SAG: variants seen among roughly 807,000 people sequenced by gnomAD.
SAG encodes S-arrestin.
A neutral mutation model predicts 55.0 loss-of-function variants in SAG; 45 were observed. The observed-to-expected ratio is 0.82, with a 90% CI of 0.64 to 1.05. SAG has a LOEUF of 1.05. Ranked by LOEUF, SAG falls within the 50% of genes least tolerant of loss-of-function variation. The pLI is 0.00. For synonymous variants in SAG, 189 were observed against 197.4 expected (o/e 0.96, Z 0.36); for missense variants, 455 against 512.1 (o/e 0.89, Z 1.08).
At chr2:233,346,448 C>T (rs774275962) in intron 15 of SAG, 36 bp downstream of exon 15, 3 of 1,610,834 alleles carry the variant, frequency 1.9e-6, no homozygotes, top group South Asian at 2.2e-5. Context: ...CTGATTTGTC[C>T]TATGCTCTGG....
At chr2:233,323,369 C>CTT (rs879869333) in intron 6 of SAG, among the ~76,000 whole-genome samples, 3 of 138,984 alleles carry the variant, frequency 2.2e-5, no homozygotes, top group African/African-American at 7.9e-5. Context: ...CTTCAATAGA[C>CTT]TTTTTTTTTT....
intron 11 of SAG, 71 bp from the exon 12 acceptor site, chr2:233,338,605 G>T: frequency 1.5e-6 from 2 of 1,360,796 alleles, no homozygotes; most frequent in Non-Finnish European, 2.1e-6. Context: ...GCCTCGAATG[G>T]AAAGGCTGCC....
intron 2 of SAG, among the ~76,000 whole-genome samples, chr2:233,313,333 G>T (rs1460062371): frequency 6.6e-6 from 1 of 152,188 alleles, no homozygotes; most frequent in Non-Finnish European, 1.5e-5. Context: ...GAGCCGCTGT[G>T]GCCAGAGCCC....
At position 233,346,952 on chromosome 2, in the gene SAG, C is replaced by T; in HGVS notation, c.*40C>T. 1 of 1,184,214 alleles carries T rather than the reference C, an allele frequency of 8.4e-7. No homozygotes were observed. Among genetic ancestry groups the T allele is most frequent in the Non-Finnish European group, 1.2e-6 (1 of 801,152 alleles). 73.4% of individuals were successfully genotyped at this position (1,184,214 alleles called of 1,614,324 possible). A position where few individuals can be genotyped will look rare whatever the true frequency, so the allele number is the denominator to read the frequency against. Reference sequence around the variant, plus strand: ...GATGCCGGAAAATGACCTGTAGTTACCAGTGCAACGAGCAAAGCCCCACAG... The same window carrying T: ...GATGCCGGAAAATGACCTGTAGTTATCAGTGCAACGAGCAAAGCCCCACAG... On this transcript the variant is annotated 3_prime_UTR_variant, in exon 16 of 16. Transcript: ENST00000409110.
chr2:233,329,218 C>T, intron 8 of SAG: 2 of 415,194 alleles, frequency 4.8e-6, no homozygotes, highest in South Asian at 2.3e-5. Context: ...CAGTGGTTTC[C>T]TTTCACTTCA....
In SAG at chr2:233,340,627, A is replaced by T; in HGVS notation, c.1046+149A>T. On this transcript the variant is annotated intron_variant, in intron 13 of 15. Coordinates refer to ENST00000409110, the MANE Select transcript of SAG (RefSeq NM_000541.5). The surrounding 1 kb of genome is among the most constrained non-coding windows in gnomAD (Gnocchi z 4.2). The stretch of plus-strand genomic sequence containing the variant: ...ATGATGCTTTGCCTTCGGATGCATC[A>T]CAGAACCGTGGCTCATAGGCGTTTC... The T allele has an allele frequency of 1.5e-6, 1 of 669,926 alleles. No individual in the cohort carries two copies. The highest frequency in any genetic ancestry group is 1.6e-5 in the South Asian group (1 of 61,012). 41.5% of individuals were successfully genotyped at this position (669,926 alleles called of 1,614,324 possible). A position where few individuals can be genotyped will look rare whatever the true frequency, so the allele number is the denominator to read the frequency against.
chr2:233,327,158 C>G lies in SAG; in HGVS notation c.473C>G (p.Thr158Arg). The G allele has an allele frequency of 6.2e-7, 1 of 1,613,882 alleles. No homozygotes were observed. The highest frequency in any genetic ancestry group is 2.2e-5 in the East Asian group (1 of 44,874). Residue 158 changes from threonine to arginine, a missense_variant, in exon 7 of 16, where the codon ACA (threonine) becomes AGA (arginine). Physicochemically the swap from Thr to Arg is moderately conservative, Grantham distance 71. Transcript: ENST00000409110. ...GACTTTGAGGTCAAAGCATTCGCCA[C>G]AGACAGCACCGATGCCGAAGAGGAC... ...GVDFEVKAFA[T>R]DSTDAEEDKI...
intron 2 of SAG, 83 bp from the exon 3 acceptor site, chr2:233,315,992 G>A (rs1005323335): frequency 1.5e-5 from 12 of 813,522 alleles, no homozygotes; most frequent in African/African-American, 3.4e-5. Flanking sequence ...GAGCCACCGC[G>A]CCCGGGCTGC....
intron 9 of SAG, among the ~76,000 whole-genome samples, chr2:233,330,352 G>A (rs938941377): frequency 2.0e-5 from 3 of 152,236 alleles, no homozygotes; most frequent in South Asian, 2.1e-4. Flanking sequence ...GGGCTCTCCC[G>A]GGCAAGCCAG....
intron 14 of SAG, chr2:233,343,044 C>T (rs1701149523): frequency 6.6e-6 from 1 of 152,382 alleles, no homozygotes; most frequent in Admixed American, 6.6e-5. Context: ...AGGCATGAGC[C>T]ACTGCACCTG....
intron 14 of SAG, chr2:233,342,531 A>G (rs1449663482): frequency 1.7e-6 from 1 of 590,400 alleles, no homozygotes; most frequent in African/African-American, 1.9e-5. Flanking sequence ...ATCCACCTTC[A>G]GCTGGAGTCT....
At position 233,340,330 on chromosome 2, in the gene SAG, C is replaced by T; in HGVS notation, c.1023-125C>T. The stretch of plus-strand genomic sequence containing the variant: ...GTTGAACATTAAGGGATGGGAAGAC[C>T]CTGGATGTTGTGAGTTCGGGTGCAA... On this transcript the variant is annotated intron_variant, in intron 12 of 15. Transcript: ENST00000409110. This position sits in a 1 kb window ranked among gnomAD's most constrained non-coding sequence, Gnocchi z 4.2. 1.4e-6 allele frequency: 1 copy of T among 738,614 alleles called. No individual in the cohort carries two copies. The highest frequency in any genetic ancestry group is 2.4e-6 in the Non-Finnish European group (1 of 418,046). The allele number at this position is 738,614 out of a possible 1,614,324, so 45.8% of individuals were successfully genotyped here.
At chr2:233,311,852 G>A (rs1194112099) in intron 2 of SAG, among the ~76,000 whole-genome samples, 6 of 152,200 alleles carry the variant, frequency 3.9e-5, no homozygotes, top group Non-Finnish European at 1.5e-5. Context: ...CCAGCCAGGC[G>A]CGGTGGTTTA....
chr2:233,335,402 C>A (rs747804593), intron 11 of SAG, among the ~76,000 whole-genome samples: 2 of 152,114 alleles, frequency 1.3e-5, no homozygotes, highest in African/African-American at 4.8e-5. Flanking sequence ...AAAGTGGGGG[C>A]GGTAATAGTT....
intron 12 of SAG, 125 bp downstream of exon 12, chr2:233,338,878 C>T: frequency 1.3e-6 from 1 of 796,588 alleles, no homozygotes; most frequent in South Asian, 1.4e-5. Flanking sequence ...CCAAGGATTA[C>T]CAAGTAGAGC....
At chr2:233,336,596 CA>C (rs1173410481) in intron 11 of SAG, among the ~76,000 whole-genome samples, 1 of 151,764 alleles carries the variant, frequency 6.6e-6, no homozygotes, top group Non-Finnish European at 1.5e-5. Context: ...TATTTATATG[CA>C]TTTTATGGGT....
intron 6 of SAG, among the ~76,000 whole-genome samples, chr2:233,325,932 T>C (rs1039627981): frequency 1.3e-5 from 2 of 152,158 alleles, no homozygotes; most frequent in Non-Finnish European, 2.9e-5. Flanking sequence ...TGCATATTTA[T>C]TTTCCACTTA....
intron 13 of SAG, 144 bp from the exon 14 acceptor site, chr2:233,342,123 CAAAA>C (rs34221850): frequency 3.5e-4 from 164 of 465,080 alleles, no homozygotes; most frequent in East Asian, 6.1e-4. Flanking sequence ...GACTCCATCT[CAAAA>C]AAAAAAAAAA....
intron 9 of SAG, among the ~76,000 whole-genome samples, chr2:233,330,289 G>A (rs975115232): frequency 6.6e-6 from 1 of 152,132 alleles, no homozygotes; most frequent in Non-Finnish European, 1.5e-5. Flanking sequence ...TGCATCTTGG[G>A]GTGACTGTCC....
Sources: allele counts gnomAD v4.1 joint callset (sites outside exome capture counted in the v4.1 genomes callset), GRCh38; gene constraint gnomAD v4.1.1; non-coding constraint Gnocchi (gnomAD v3.1); transcripts MANE v1.5; gene names NCBI Gene and HGNC (gene_info 2026-07-23, HGNC 2026-07-21).